Variants in CNTN5 observed in about 807,000 individuals in gnomAD.
CNTN5 encodes the protein contactin-5.
Under a neutral mutation model 129.1 loss-of-function variants are expected in CNTN5, and 77 were observed. The observed-to-expected ratio is 0.60, with a 90% confidence interval of 0.50 to 0.72. The LOEUF (loss-of-function observed/expected upper bound fraction) is 0.72, where lower values mean the gene tolerates loss of function less well. CNTN5 is among the 30% of genes least tolerant of loss of function. CNTN5 has a pLI of 0.00. For synonymous variants in CNTN5, 509 were observed against 465.6 expected, an observed-to-expected ratio of 1.09 and a Z score of -1.20; for missense variants, 1,478 against 1,328.8, an observed-to-expected ratio of 1.11 and a Z score of -1.75.
intron 8 of CNTN5, among the ~76,000 whole-genome samples, chr11:99,958,102 A>G (rs1303447860): frequency 6.6e-6 from 1 of 152,156 alleles, no homozygotes; most frequent in East Asian, 1.9e-4. Flanking sequence ...AATGATGAAA[A>G]TTGCTAAAGG....
chr11:100,329,892 A>T (rs1591519238), intron 21 of CNTN5, among the ~76,000 whole-genome samples: 1 of 152,330 alleles, frequency 6.6e-6, no homozygotes, highest in Non-Finnish European at 1.5e-5. Context: ...CGGAAAAAAC[A>T]ATTCTGGTAA....
At chr11:100,223,583 A>T (rs1029907248) in intron 15 of CNTN5, among the ~76,000 whole-genome samples, 2 of 152,148 alleles carry the variant, frequency 1.3e-5, no homozygotes, top group African/African-American at 4.8e-5. Context: ...GACTACTAAG[A>T]ACAAACACAT....
At chr11:99,632,642 TTA>T (rs1285686065) in intron 3 of CNTN5, among the ~76,000 whole-genome samples, 4 of 152,190 alleles carry the variant, frequency 2.6e-5, no homozygotes, top group Non-Finnish European at 5.9e-5. Flanking sequence ...TATTTAAAAA[TTA>T]GTTTCCCACA....
At chr11:99,206,915 A>T (rs1302204012) in intron 1 of CNTN5, among the ~76,000 whole-genome samples, 1 of 152,092 alleles carries the variant, frequency 6.6e-6, no homozygotes, top group Admixed American at 6.6e-5. Context: ...CCAGCATTCT[A>T]TTCTGGTTTA....
At chr11:99,292,487 C>G (rs1318463091) in intron 1 of CNTN5, among the ~76,000 whole-genome samples, 1 of 151,938 alleles carries the variant, frequency 6.6e-6, no homozygotes, top group African/African-American at 2.4e-5. Context: ...ATTGCTCTGG[C>G]TAGGACTTCC....
At chr11:99,274,593 C>T (rs959358080) in intron 1 of CNTN5, among the ~76,000 whole-genome samples, 8 of 151,366 alleles carry the variant, frequency 5.3e-5, no homozygotes, top group African/African-American at 1.9e-4. Context: ...GCTTTCATAA[C>T]AGTGAGGTAG....
intron 1 of CNTN5, among the ~76,000 whole-genome samples, chr11:99,212,366 G>A (rs1371819618): frequency 6.6e-5 from 10 of 152,306 alleles, no homozygotes; most frequent in Non-Finnish European, 1.2e-4. Flanking sequence ...AGCATGGGTT[G>A]TGGGGGAAGT....
At chr11:99,449,326 T>C (rs1944204628) in intron 2 of CNTN5, among the ~76,000 whole-genome samples, 1 of 152,234 alleles carries the variant, frequency 6.6e-6, no homozygotes, top group South Asian at 2.1e-4. Context: ...ATTAGCTAAA[T>C]AGATATTGAG....
At chr11:100,080,065 GTTTCC>G (rs1224704405) in intron 13 of CNTN5, among the ~76,000 whole-genome samples, 2 of 152,188 alleles carry the variant, frequency 1.3e-5, no homozygotes, top group South Asian at 2.1e-4. Flanking sequence ...AGTTTATTTT[GTTTCC>G]TTTCCATAAG....
At chr11:99,031,900 A>C in intron 1 of CNTN5, among the ~76,000 whole-genome samples, 1 of 141,844 alleles carries the variant, frequency 7.1e-6, no homozygotes, top group African/African-American at 2.6e-5. Flanking sequence ...ATATCTCCCA[A>C]TGCTATCCCT....
chr11:99,348,680 ATAATCT>A (rs1938079519), intron 2 of CNTN5, among the ~76,000 whole-genome samples: 1 of 152,158 alleles, frequency 6.6e-6, no homozygotes, highest in Admixed American at 6.5e-5. Flanking sequence ...TTTGGTTCAG[ATAATCT>A]TAAGTTTCTT....
intron 1 of CNTN5, among the ~76,000 whole-genome samples, chr11:99,236,978 A>T (rs1376803007): frequency 1.3e-5 from 2 of 151,606 alleles, no homozygotes; most frequent in Non-Finnish European, 2.9e-5. Context: ...TGTTCCTGTG[A>T]TTTAAATTTT....
chr11:99,266,177 T>C (rs1172213633), intron 1 of CNTN5, among the ~76,000 whole-genome samples: 1 of 152,100 alleles, frequency 6.6e-6, no homozygotes, highest in Admixed American at 6.6e-5. Context: ...ATTGACGATA[T>C]TTGAACAAAA....
Position 100,298,660 on chromosome 11 carries a change from C to T in CNTN5, c.2386-502C>T, listed in dbSNP as rs1333827975. Among the ~76,000 whole-genome samples the T allele has an allele frequency of 2.6e-5, 4 of 151,418 alleles. No individual in the cohort carries two copies. In the South Asian group the frequency reaches 6.2e-4, roughly 24 times the overall value. ...ACCAATTTAAATCTAAGCCATATAG[C>T]ACAAGAAGCTTCTTGAATACCATAG... is the stretch of plus-strand genomic sequence containing the variant. On this transcript the variant is annotated intron_variant, in intron 19 of 24. Coordinates refer to ENST00000524871, the MANE Select transcript of CNTN5 (RefSeq NM_014361.4).
intron 1 of CNTN5, among the ~76,000 whole-genome samples, chr11:99,196,937 G>A (rs1246048967): frequency 6.6e-6 from 1 of 151,788 alleles, no homozygotes; most frequent in Non-Finnish European, 1.5e-5. Context: ...AAAATAAGAA[G>A]CATAGAAAAG....
chr11:99,479,212 A>G lies in CNTN5; in HGVS notation c.-70-76933A>G, dbSNP rs111592958. On this transcript the variant is annotated intron_variant, in intron 2 of 24. Transcript: ENST00000524871. ...TGTTTGTTTAAGACTGTGAATATTG[A>G]TAACACTGGAAACCAATAACTTTTA... 2.6e-3 allele frequency among the ~76,000 whole-genome samples: 399 copies of G among 151,958 alleles called. 2 individuals carry two copies. The highest frequency in any genetic ancestry group is 9.2e-3 in the African/African-American group (383 of 41,496).
At chr11:100,118,246 G>A (rs1260380559) in intron 13 of CNTN5, among the ~76,000 whole-genome samples, 1 of 151,488 alleles carries the variant, frequency 6.6e-6, no homozygotes, top group Non-Finnish European at 1.5e-5. Flanking sequence ...ACACTGTTGG[G>A]GTAGTGTAGG....
rs2135387040 is a variant in CNTN5 at position 99,502,771 on chromosome 11, T to C, written c.-70-53374T>C. On this transcript the variant is annotated intron_variant, in intron 2 of 24. Transcript: ENST00000524871. ...TACTCTTCTAAACCATACACCCTCC[T>C]AGAGGTAAACTAAAGACCTATATGA... Among the ~76,000 whole-genome samples the C allele has an allele frequency of 2.0e-5, 3 of 152,322 alleles. No homozygotes were observed. The South Asian group carries it at 6.2e-4, about 32-fold the overall frequency.
At chr11:99,998,756 T>C (rs1460839977) in intron 8 of CNTN5, among the ~76,000 whole-genome samples, 2 of 149,612 alleles carry the variant, frequency 1.3e-5, no homozygotes, top group Non-Finnish European at 3.0e-5. Context: ...CTTCAAAATA[T>C]ACTACAAGGC....
Sources: gnomAD v4.1 joint callset for allele counts (sites outside exome capture counted in the v4.1 genomes callset) on GRCh38, gnomAD v4.1.1 for gene constraint, MANE v1.5 for transcripts, NCBI Gene and HGNC (gene_info 2026-07-23, HGNC 2026-07-21) for gene names.